Variants in PLA2G4A observed in about 807,000 individuals in gnomAD.
The protein encoded by PLA2G4A is phospholipase A2 group IVA, also known as cytosolic phospholipase A2.
In PLA2G4A, 40 loss-of-function variants were observed where a neutral mutation model predicts 81.9. The observed-to-expected ratio is 0.49, with a 90% CI of 0.38 to 0.64. The LOEUF (loss-of-function observed/expected upper bound fraction) is 0.64, where lower values mean the gene tolerates loss of function less well. Among genes scored for constraint, PLA2G4A ranks in the 30% least tolerant of loss-of-function variants. The pLI is 0.00. For missense variants in PLA2G4A, 715 were observed against 905.1 expected, an observed-to-expected ratio of 0.79 and a Z score of 2.69; for synonymous variants, 302 against 296.9, an observed-to-expected ratio of 1.02 and a Z score of -0.18.
intron 1 of PLA2G4A, among the ~76,000 whole-genome samples, chr1:186,841,273 A>G (rs1651970312): frequency 6.6e-6 from 1 of 152,248 alleles, no homozygotes; most frequent in South Asian, 2.1e-4. Context: ...ACCAATCCCA[A>G]GGAGAAATTC....
At chr1:186,854,518 A>C in intron 2 of PLA2G4A, 131 bp downstream of exon 2, 1 of 700,734 alleles carries the variant, frequency 1.4e-6, no homozygotes, top group African/African-American at 1.8e-5. Flanking sequence ...TATGAACTTA[A>C]TATAATACAA....
Position 186,979,316 on chromosome 1 carries a change from T to C in PLA2G4A, c.1962T>C (p.Gly654=). 1.2e-6 allele frequency: 2 copies of C among 1,608,286 alleles called. No individual in the cohort carries two copies. Among genetic ancestry groups the C allele is most frequent in the South Asian group, 2.2e-5 (2 of 90,924 alleles). The change falls in exon 17 of 18, where the codon GGT becomes GGC. Residue 654 remains glycine (G), a splice_region_variant and synonymous_variant. Coordinates refer to ENST00000367466, the MANE Select transcript of PLA2G4A (RefSeq NM_024420.3). ...CTTTGTGACTCTTCTGGTATTTAGG[T>C]GTTCCAAGGGAAACTGAGGAAGAGA... ...NINFRKYRAP[G]VPRETEEEKE...
At chr1:186,858,931 G>A (rs1652696302) in intron 2 of PLA2G4A, among the ~76,000 whole-genome samples, 2 of 151,906 alleles carry the variant, frequency 1.3e-5, no homozygotes, top group South Asian at 2.1e-4. Flanking sequence ...GTGTGTGTGT[G>A]TGTGTGTGTA....
At chr1:186,916,863 G>T (rs561248463) in intron 7 of PLA2G4A, among the ~76,000 whole-genome samples, 1 of 152,182 alleles carries the variant, frequency 6.6e-6, no homozygotes, top group African/African-American at 2.4e-5. Flanking sequence ...GAAAATCAGT[G>T]GAAGTGTCTA....
chr1:186,938,021 T>G (rs12720592), intron 8 of PLA2G4A, among the ~76,000 whole-genome samples: 2,816 of 152,170 alleles, frequency 0.019, 97 homozygotes, highest in African/African-American at 0.064. Flanking sequence ...AATAAGAGAT[T>G]AAAACATGTG....
At chr1:186,829,400 C>T (rs1329057756) in intron 1 of PLA2G4A, among the ~76,000 whole-genome samples, 1 of 152,208 alleles carries the variant, frequency 6.6e-6, no homozygotes, top group Non-Finnish European at 1.5e-5. Flanking sequence ...ACTTGAGCAG[C>T]AGCATGCTGT....
intron 7 of PLA2G4A, among the ~76,000 whole-genome samples, chr1:186,925,894 T>A (rs778315896): frequency 1.3e-5 from 2 of 152,228 alleles, no homozygotes; most frequent in Non-Finnish European, 2.9e-5. Context: ...TCTCTATATT[T>A]CAACCACCTA....
At chr1:186,883,419 A>C (rs562086257) in intron 3 of PLA2G4A, among the ~76,000 whole-genome samples, 8 of 152,142 alleles carry the variant, frequency 5.3e-5, no homozygotes, top group Non-Finnish European at 1.2e-4. Flanking sequence ...ACTTTAAAGG[A>C]TCTGAGATTA....
chr1:186,964,117 TA>T (rs1352406451), intron 14 of PLA2G4A, among the ~76,000 whole-genome samples: 5 of 152,220 alleles, frequency 3.3e-5, no homozygotes, highest in African/African-American at 1.2e-4. Context: ...CAGAGATCCT[TA>T]TTCATATCTG....
intron 7 of PLA2G4A, among the ~76,000 whole-genome samples, chr1:186,920,715 A>G (rs1011337846): frequency 1.3e-5 from 2 of 152,068 alleles, no homozygotes; most frequent in African/African-American, 2.4e-5. Flanking sequence ...TCTTCCCAGA[A>G]CCCCCCTTTT....
intron 2 of PLA2G4A, among the ~76,000 whole-genome samples, chr1:186,865,166 C>G (rs1209098457): frequency 1.3e-5 from 2 of 150,420 alleles, no homozygotes; most frequent in East Asian, 3.9e-4. Context: ...ATTTCTTGTT[C>G]AAGGGGAGAA....
intron 3 of PLA2G4A, among the ~76,000 whole-genome samples, chr1:186,886,250 T>C (rs895561880): frequency 9.2e-5 from 14 of 152,160 alleles, no homozygotes; most frequent in African/African-American, 3.4e-4. Context: ...AATGGACTAA[T>C]AGACAAACGA....
chr1:186,839,071 AC>A (rs1004350620), intron 1 of PLA2G4A, among the ~76,000 whole-genome samples: 7 of 152,028 alleles, frequency 4.6e-5, no homozygotes, highest in Admixed American at 2.6e-4. Context: ...AGTTAAAAAA[AC>A]ATTTTAAAAT....
chr1:186,857,163 A>AT (rs1652601548), intron 2 of PLA2G4A, among the ~76,000 whole-genome samples: 1 of 93,372 alleles, frequency 1.1e-5, no homozygotes, highest in African/African-American at 5.9e-5. Flanking sequence ...ACATAATATA[A>AT]TATAATTATA....
intron 1 of PLA2G4A, among the ~76,000 whole-genome samples, chr1:186,851,275 C>G (rs1558360770): frequency 6.6e-6 from 1 of 151,966 alleles, no homozygotes. Context: ...GACATAAGCT[C>G]TCAGGAATTA....
intron 1 of PLA2G4A, among the ~76,000 whole-genome samples, chr1:186,840,993 C>T (rs1304422055): frequency 6.6e-6 from 1 of 152,176 alleles, no homozygotes. Flanking sequence ...TTTTGTGCCA[C>T]CTTGTTGCAT....
intron 1 of PLA2G4A, among the ~76,000 whole-genome samples, chr1:186,847,518 C>A (rs4651330): frequency 0.76 from 115,087 of 151,916 alleles, 44,130 homozygotes; most frequent in South Asian, 0.83. Context: ...AAAGTAGAAG[C>A]TTTGGCCAAG....
rs201808785 is a variant in PLA2G4A at position 186,878,080 on chromosome 1, A to G, written c.115+7564A>G. On this transcript the variant is annotated intron_variant, in intron 3 of 17. Coordinates refer to ENST00000367466, the MANE Select transcript of PLA2G4A (RefSeq NM_024420.3). ...TTGGTCTATACTTTGGCTAAAGTAT[A>G]TACTAAAATATATCTTTTCTGATAT... is the stretch of plus-strand genomic sequence containing the variant. 2.7e-4 allele frequency among the ~76,000 whole-genome samples: 39 copies of G among 146,728 alleles called. 2 individuals carry two copies. The East Asian group carries it at 7.5e-3, about 28-fold the overall frequency.
At chr1:186,883,640 T>C (rs748111373) in intron 3 of PLA2G4A, among the ~76,000 whole-genome samples, 1 of 152,072 alleles carries the variant, frequency 6.6e-6, no homozygotes, top group Non-Finnish European at 1.5e-5. Context: ...AGTGATGAGT[T>C]GAGGTGGAGA....
Sources: allele counts gnomAD v4.1 joint callset (sites outside exome capture counted in the v4.1 genomes callset), GRCh38; gene constraint gnomAD v4.1.1; transcripts MANE v1.5; gene names NCBI Gene and HGNC (gene_info 2026-07-23, HGNC 2026-07-21).